The following PDE4D variants were observed in gnomAD, a reference collection of about 807,000 sequenced individuals.
PDE4D encodes phosphodiesterase 4D, also known as 3',5'-cyclic-AMP phosphodiesterase 4D.
A neutral mutation model predicts 87.4 loss-of-function variants in PDE4D; 24 were observed. The observed-to-expected ratio is 0.27, with a 90% CI of 0.20 to 0.39. The LOEUF (loss-of-function observed/expected upper bound fraction) is 0.39, where lower values mean the gene tolerates loss of function less well. Among genes scored for constraint, PDE4D ranks in the 10% least tolerant of loss-of-function variants. The pLI, the probability that PDE4D is intolerant of heterozygous loss-of-function variation, is 1.00. For missense variants in PDE4D, 714 were observed against 1,041.0 expected, an observed-to-expected ratio of 0.69 and a Z score of 4.32; for synonymous variants, 384 against 383.2, an observed-to-expected ratio of 1.00 and a Z score of -0.02.
At chr5:60,471,034 G>A (rs1048276190) in intron 1 of PDE4D, among the ~76,000 whole-genome samples, 6 of 152,108 alleles carry the variant, frequency 3.9e-5, no homozygotes, top group Non-Finnish European at 8.8e-5. Flanking sequence ...TCAGTTGAAA[G>A]CCTTCTGGAA....
At chr5:59,453,047 T>G (rs969293351) in intron 1 of PDE4D, among the ~76,000 whole-genome samples, 2 of 152,120 alleles carry the variant, frequency 1.3e-5, no homozygotes, top group South Asian at 4.1e-4. Context: ...GCTCACTTCA[T>G]GTCTCTGTAT....
chr5:59,530,465 A>G (rs1398128444), intron 1 of PDE4D, among the ~76,000 whole-genome samples: 1 of 152,160 alleles, frequency 6.6e-6, no homozygotes, highest in Non-Finnish European at 1.5e-5. Flanking sequence ...TATATAACCT[A>G]CACACATCAA....
chr5:60,166,329 C>T (rs1336662163), intron 2 of PDE4D, among the ~76,000 whole-genome samples: 1 of 152,140 alleles, frequency 6.6e-6, no homozygotes, highest in Non-Finnish European at 1.5e-5. Flanking sequence ...TTGTAGTTAT[C>T]ATGAGGCTTA....
chr5:59,268,183 C>T (rs997467832), intron 1 of PDE4D, among the ~76,000 whole-genome samples: 2 of 152,044 alleles, frequency 1.3e-5, no homozygotes, highest in African/African-American at 4.8e-5. Context: ...TTCTCTAATT[C>T]GCATCCTCAG....
At chr5:59,872,712 C>T (rs1028579804) in intron 1 of PDE4D, among the ~76,000 whole-genome samples, 2 of 152,040 alleles carry the variant, frequency 1.3e-5, no homozygotes, top group Non-Finnish European at 2.9e-5. Flanking sequence ...GGAGTGTGCA[C>T]ATTTAAATAC....
At chr5:60,333,342 C>T (rs1489240607) in intron 1 of PDE4D, among the ~76,000 whole-genome samples, 2 of 152,132 alleles carry the variant, frequency 1.3e-5, no homozygotes, top group South Asian at 2.1e-4. Flanking sequence ...TCCCACCAAA[C>T]GTTATTTCAC....
At chr5:60,045,337 C>A (rs1043636769) in intron 2 of PDE4D, among the ~76,000 whole-genome samples, 21 of 152,162 alleles carry the variant, frequency 1.4e-4, no homozygotes, top group African/African-American at 4.1e-4. Context: ...ATGGTAGTTT[C>A]TTTTGCTGTG....
intron 2 of PDE4D, among the ~76,000 whole-genome samples, chr5:60,076,983 G>A (rs1401738149): frequency 6.6e-6 from 1 of 152,220 alleles, no homozygotes; most frequent in Non-Finnish European, 1.5e-5. Flanking sequence ...TCGTGCTGGT[G>A]GTGGTATTAG....
chr5:60,006,906 G>GCTTTA (rs1396335211), intron 2 of PDE4D, among the ~76,000 whole-genome samples: 2 of 151,924 alleles, frequency 1.3e-5, no homozygotes, highest in Non-Finnish European at 2.9e-5. Context: ...ATAAGCTATT[G>GCTTTA]CTTTACATAG....
intron 1 of PDE4D, among the ~76,000 whole-genome samples, chr5:59,526,332 C>T (rs1373301838): frequency 2.0e-5 from 3 of 152,158 alleles, no homozygotes; most frequent in South Asian, 4.1e-4. Context: ...TTAATGACAA[C>T]TAAGGGACCA....
At chr5:60,367,100 TTTG>T (rs1257777197) in intron 1 of PDE4D, among the ~76,000 whole-genome samples, 1 of 152,020 alleles carries the variant, frequency 6.6e-6, no homozygotes, top group Non-Finnish European at 1.5e-5. Context: ...CCAATTTTTT[TTTG>T]TTGTTGTTGG....
chr5:59,914,090 A>AT (rs5868207), intron 3 of PDE4D, among the ~76,000 whole-genome samples: 152,335 of 152,338 alleles, frequency 1, 76,166 homozygotes, highest in Middle Eastern at 1. Context: ...ACTTGTGCAA[A>AT]CAGCTGTTAA....
At chr5:59,079,559 C>T (rs1392888422) in intron 5 of PDE4D, among the ~76,000 whole-genome samples, 1 of 151,888 alleles carries the variant, frequency 6.6e-6, no homozygotes, top group Non-Finnish European at 1.5e-5. Flanking sequence ...GAAGAGATGG[C>T]TCATGCCTGT....
intron 1 of PDE4D, among the ~76,000 whole-genome samples, chr5:60,354,796 T>C (rs552594310): frequency 3.3e-5 from 5 of 152,186 alleles, no homozygotes; most frequent in Non-Finnish European, 7.3e-5. Context: ...GAAAAAATAG[T>C]CCAAGACATT....
In PDE4D at chr5:60,037,257, C is replaced by T. The variant is rs184836710; in HGVS notation, c.43-48540G>A. On this transcript the variant is annotated intron_variant, in intron 2 of 16. Coordinates refer to the PDE4D transcript ENST00000502484. ...TACAATATGTTAAAATGCTTAGCAC[C>T]TATGAATTCAGCTTAATTGATGTAT... is the stretch of plus-strand genomic sequence containing the variant. Among the ~76,000 whole-genome samples the T allele has an allele frequency of 2.4e-3, 358 of 152,158 alleles. 3 individuals carry two copies. Among genetic ancestry groups the T allele is most frequent in the Non-Finnish European group, 3.6e-3 (248 of 67,984 alleles).
chr5:59,710,586 TAAA>T (rs1554067424), intron 1 of PDE4D, among the ~76,000 whole-genome samples: 1 of 151,564 alleles, frequency 6.6e-6, no homozygotes, highest in Non-Finnish European at 1.5e-5. Context: ...ATGTCAATGT[TAAA>T]AATAAAATAG....
At chr5:60,233,060 A>G (rs986375848) in intron 1 of PDE4D, among the ~76,000 whole-genome samples, 2 of 151,724 alleles carry the variant, frequency 1.3e-5, no homozygotes, top group African/African-American at 4.8e-5. Flanking sequence ...CAAGATTAGA[A>G]TCCATATAAA....
intron 1 of PDE4D, among the ~76,000 whole-genome samples, chr5:59,441,873 G>C (rs1797671558): frequency 6.6e-6 from 1 of 152,146 alleles, no homozygotes; most frequent in Non-Finnish European, 1.5e-5. Flanking sequence ...TGTTTGATTG[G>C]ATGAACGGTC....
chr5:59,009,610 A>AAACT (rs1482801093), intron 6 of PDE4D, among the ~76,000 whole-genome samples: 4 of 152,110 alleles, frequency 2.6e-5, no homozygotes, highest in Non-Finnish European at 5.9e-5. Context: ...TATAAAAAGC[A>AAACT]AGAGAAAACT....
Sources: allele counts gnomAD v4.1 joint callset (sites outside exome capture counted in the v4.1 genomes callset), GRCh38; gene constraint gnomAD v4.1.1; transcripts MANE v1.5; gene names NCBI Gene and HGNC (gene_info 2026-07-23, HGNC 2026-07-21).